Variants in PPP1R21 observed in about 807,000 individuals in gnomAD.
PPP1R21 encodes protein phosphatase 1 regulatory subunit 21.
Under a neutral mutation model 112.8 loss-of-function variants are expected in PPP1R21, and 85 were observed. The ratio of observed to expected loss-of-function variants is 0.75; its 90% confidence interval spans 0.63 to 0.90. The LOEUF (loss-of-function observed/expected upper bound fraction) is 0.90. Among genes scored for constraint, PPP1R21 ranks in the 40% least tolerant of loss-of-function variants. The pLI is 0.00. For missense variants in PPP1R21, 1,199 were observed against 901.5 expected (o/e 1.33, Z -4.23); for synonymous variants, 381 against 322.3 (o/e 1.18, Z -1.95).
At chr2:48,498,973 A>T (rs1173502582) in intron 17 of PPP1R21, among the ~76,000 whole-genome samples, 3 of 152,142 alleles carry the variant, frequency 2.0e-5, no homozygotes. Context: ...GTTCATAGAC[A>T]GCAGCATTTT....
At chr2:48,446,091 AT>A (rs1365548429) in intron 1 of PPP1R21, among the ~76,000 whole-genome samples, 1 of 152,058 alleles carries the variant, frequency 6.6e-6, no homozygotes, top group African/African-American at 2.4e-5. Flanking sequence ...GTTGTAAAAT[AT>A]GTATAAATGT....
rs533856891 is a variant in PPP1R21 at position 48,449,070 on chromosome 2, T to C, written c.58-1938T>C. Among the ~76,000 whole-genome samples the C allele has an allele frequency of 4.6e-5, 7 of 152,208 alleles. No individual in the cohort carries two copies. The East Asian group carries it at 1.3e-3, about 29-fold the overall frequency. ...AATACTAGTATTGCTAGTTATCTTT[T>C]AATATTTTATCTTCCCTTTTAAAGT... On this transcript the variant is annotated intron_variant, in intron 1 of 21. Coordinates refer to ENST00000294952, the MANE Select transcript of PPP1R21 (RefSeq NM_001135629.3).
At chr2:48,495,012 A>C (rs1015224083) in intron 15 of PPP1R21, among the ~76,000 whole-genome samples, 8 of 152,102 alleles carry the variant, frequency 5.3e-5, no homozygotes, top group African/African-American at 1.9e-4. Flanking sequence ...GGCCAATTTT[A>C]TAATAGTGTT....
At chr2:48,510,715 A>AGG (rs1359559150) in intron 20 of PPP1R21, among the ~76,000 whole-genome samples, 4 of 152,190 alleles carry the variant, frequency 2.6e-5, no homozygotes, top group African/African-American at 9.6e-5. Context: ...TGCTTCTTTC[A>AGG]GGGACGGTGC....
chr2:48,459,048 A>C (rs1262700056), intron 4 of PPP1R21, among the ~76,000 whole-genome samples: 1 of 149,620 alleles, frequency 6.7e-6, no homozygotes, highest in East Asian at 2.0e-4. Flanking sequence ...GCCGAGATCA[A>C]GCCACAGCAC....
intron 20 of PPP1R21, 103 bp downstream of exon 20, chr2:48,510,216 C>A: frequency 2.8e-6 from 2 of 722,704 alleles, no homozygotes; most frequent in South Asian, 2.5e-5. Flanking sequence ...TCTAGATATG[C>A]TTTTTAAGAT....
At chr2:48,491,203 G>A (rs368620869) in intron 15 of PPP1R21, 33 bp downstream of exon 15, 37 of 1,596,692 alleles carry the variant, frequency 2.3e-5, no homozygotes, top group Non-Finnish European at 3.1e-5. Flanking sequence ...TTAAATCAGA[G>A]GAAACATCAG....
At chr2:48,506,421 T>C (rs983563439) in intron 18 of PPP1R21, among the ~76,000 whole-genome samples, 3 of 152,178 alleles carry the variant, frequency 2.0e-5, no homozygotes, top group African/African-American at 4.8e-5. Flanking sequence ...TATAAATAAA[T>C]AAACACTGAA....
At chr2:48,469,852 TGACTG>T (rs1287966608) in intron 9 of PPP1R21, among the ~76,000 whole-genome samples, 1 of 152,138 alleles carries the variant, frequency 6.6e-6, no homozygotes, top group Non-Finnish European at 1.5e-5. Flanking sequence ...TGTTAAAAGA[TGACTG>T]GAGTGTTTAA....
intron 1 of PPP1R21, among the ~76,000 whole-genome samples, chr2:48,445,081 A>T (rs115284210): frequency 0.019 from 2,862 of 150,490 alleles, 80 homozygotes; most frequent in African/African-American, 0.064. Context: ...TTTATCACCT[A>T]CTTTTATAGA....
chr2:48,509,056 G>A (rs550657233), intron 19 of PPP1R21, among the ~76,000 whole-genome samples: 1 of 152,192 alleles, frequency 6.6e-6, no homozygotes, highest in Non-Finnish European at 1.5e-5. Context: ...AGTTTAGTGA[G>A]CCTTTTAATT....
At chr2:48,461,914 A>G (rs11125171) in intron 7 of PPP1R21, among the ~76,000 whole-genome samples, 16,483 of 152,196 alleles carry the variant, frequency 0.11, 1,078 homozygotes, top group Middle Eastern at 0.2. Flanking sequence ...TTTTTAGGGA[A>G]GACCTAAAAA....
At chr2:48,447,044 C>G (rs1176003128) in intron 1 of PPP1R21, among the ~76,000 whole-genome samples, 1 of 152,090 alleles carries the variant, frequency 6.6e-6, no homozygotes, top group African/African-American at 2.4e-5. Context: ...AGCCACTGCT[C>G]CCAGCCTATA....
Position 48,511,460 on chromosome 2 carries a change from T to G in PPP1R21, c.2305T>G (p.Ser769Ala). 6.2e-7 allele frequency: 1 copy of G among 1,613,522 alleles called. No homozygotes were observed. The highest frequency in any genetic ancestry group is 8.5e-7 in the Non-Finnish European group (1 of 1,179,828). Residue 769 changes from serine to alanine, a missense_variant, in exon 21 of 22, where the codon TCC (serine) becomes GCC (alanine). Transcript: ENST00000294952. ...AGAAGAGATTGACACACTAAAGATG[T>G]CCAGTAAGGTATGTGAGGTGAGGTG... The part of the protein sequence containing the change: ...QREEIDTLKM[S>A]SKGNSKKNKS...
At chr2:48,447,865 G>C (rs1258735448) in intron 1 of PPP1R21, among the ~76,000 whole-genome samples, 2 of 152,036 alleles carry the variant, frequency 1.3e-5, no homozygotes, top group Non-Finnish European at 2.9e-5. Context: ...CAGGAGAATC[G>C]CTTGAACCCG....
At chr2:48,508,727 G>T (rs1001520905) in intron 19 of PPP1R21, among the ~76,000 whole-genome samples, 7 of 152,174 alleles carry the variant, frequency 4.6e-5, no homozygotes, top group Non-Finnish European at 1.0e-4. Context: ...TCATTGCTGA[G>T]CACAGAATAG....
At chr2:48,508,607 G>C (rs752147528) in intron 19 of PPP1R21, among the ~76,000 whole-genome samples, 2 of 152,204 alleles carry the variant, frequency 1.3e-5, no homozygotes, top group Admixed American at 1.3e-4. Context: ...TAAGCCGGCA[G>C]TCCAGCAGGC....
At chr2:48,487,117 T>C (rs1320181990) in intron 14 of PPP1R21, among the ~76,000 whole-genome samples, 1 of 135,070 alleles carries the variant, frequency 7.4e-6, no homozygotes, top group Non-Finnish European at 1.6e-5. Context: ...CCTGTTTATG[T>C]TTTAATGCAA....
chr2:48,475,520 T>C (rs903595416), intron 12 of PPP1R21, among the ~76,000 whole-genome samples: 1 of 152,068 alleles, frequency 6.6e-6, no homozygotes, highest in African/African-American at 2.4e-5. Context: ...GTAGTAAAAA[T>C]GCCATTTGTT....
Sources: allele counts gnomAD v4.1 joint callset (sites outside exome capture counted in the v4.1 genomes callset), GRCh38; gene constraint gnomAD v4.1.1; transcripts MANE v1.5; gene names NCBI Gene and HGNC (gene_info 2026-07-23, HGNC 2026-07-21).